The following ASTN2 variants were observed in gnomAD, a reference collection of about 807,000 sequenced individuals.
The protein encoded by ASTN2 is astrotactin-2.
ASTN2 carries 54 observed loss-of-function variants against 139.8 expected under a neutral mutation model. That is an observed-to-expected ratio of 0.39 (90% CI 0.31 to 0.48). ASTN2 has a LOEUF of 0.48. Ranked by LOEUF, ASTN2 falls within the 20% of genes least tolerant of loss-of-function variation. The pLI is 0.95. For synonymous variants in ASTN2, 756 were observed against 719.5 expected (o/e 1.05, Z -0.81); for missense variants, 1,565 against 1,725.1 (o/e 0.91, Z 1.64).
chr9:117,250,480 T>C (rs1833507552), intron 2 of ASTN2, among the ~76,000 whole-genome samples: 1 of 152,244 alleles, frequency 6.6e-6, no homozygotes, highest in African/African-American at 2.4e-5. Flanking sequence ...TCCAATTATC[T>C]GTTAATTTAT....
chr9:116,590,381 A>G (rs1854331403), intron 19 of ASTN2, among the ~76,000 whole-genome samples: 1 of 152,228 alleles, frequency 6.6e-6, no homozygotes, highest in Admixed American at 6.5e-5. Context: ...GGCTGGGTGC[A>G]TGTGAGCTCA....
Position 116,698,789 on chromosome 9 carries a change from C to T in ASTN2, c.2806+26982G>A. The T allele has an allele frequency of 1.9e-6, 3 of 1,614,190 alleles. No homozygotes were observed. Among genetic ancestry groups the T allele is most frequent in the Non-Finnish European group, 2.5e-6 (3 of 1,180,036 alleles). ...CTAAACAGCGGGGTCCTGAGGCAGC[C>T]TCCAATATCCAGCAGTGCCTCTTTC... On this transcript the variant is annotated intron_variant, in intron 16 of 22. Transcript: ENST00000313400. This position sits in a 1 kb window ranked among gnomAD's most constrained non-coding sequence, Gnocchi z 4.4.
At chr9:117,207,879 C>G (rs1245777493) in intron 3 of ASTN2, among the ~76,000 whole-genome samples, 1 of 151,782 alleles carries the variant, frequency 6.6e-6, no homozygotes, top group African/African-American at 2.4e-5. Context: ...CACTGAGTAT[C>G]TTACAAATGT....
At chr9:116,964,982 C>G (rs1169086348) in intron 10 of ASTN2, among the ~76,000 whole-genome samples, 1 of 152,146 alleles carries the variant, frequency 6.6e-6, no homozygotes, top group Non-Finnish European at 1.5e-5. Context: ...TGTAGGGGAA[C>G]ACAATGAGGT....
At chr9:116,456,414 A>G (rs67932442) in intron 20 of ASTN2, among the ~76,000 whole-genome samples, 10,583 of 152,284 alleles carry the variant, frequency 0.069, 432 homozygotes, top group East Asian at 0.12. Flanking sequence ...AAAAAAATCC[A>G]TATTACCCAA....
At chr9:116,621,545 C>T (rs115983362) in intron 17 of ASTN2, among the ~76,000 whole-genome samples, 26 of 152,234 alleles carry the variant, frequency 1.7e-4, no homozygotes, top group African/African-American at 6.3e-4. Context: ...ATTCTCTTCT[C>T]TGGAAAGCCC....
At chr9:117,196,867 G>T (rs1034296805) in intron 3 of ASTN2, among the ~76,000 whole-genome samples, 1 of 152,136 alleles carries the variant, frequency 6.6e-6, no homozygotes, top group Non-Finnish European at 1.5e-5. Flanking sequence ...TGGGGTAGTG[G>T]GTTGTTTGTG....
At chr9:116,727,690 G>T (rs1316073757) in intron 15 of ASTN2, among the ~76,000 whole-genome samples, 1 of 152,048 alleles carries the variant, frequency 6.6e-6, no homozygotes, top group Admixed American at 6.6e-5. Flanking sequence ...TGCCCTGAGG[G>T]TCTTATCCAG....
At chr9:116,501,375 T>C (rs1243397981) in intron 19 of ASTN2, among the ~76,000 whole-genome samples, 1 of 152,208 alleles carries the variant, frequency 6.6e-6, no homozygotes, top group Admixed American at 6.5e-5. Context: ...TTGTTGGACA[T>C]TTGGGTTGGT....
At chr9:116,875,085 C>G (rs766230981) in intron 10 of ASTN2, among the ~76,000 whole-genome samples, 5 of 152,182 alleles carry the variant, frequency 3.3e-5, no homozygotes, top group Admixed American at 1.3e-4. Context: ...AAATGTCACA[C>G]ATCTCTCACT....
intron 20 of ASTN2, among the ~76,000 whole-genome samples, chr9:116,465,780 G>C (rs943963288): frequency 5.3e-5 from 8 of 152,154 alleles, no homozygotes; most frequent in Admixed American, 3.9e-4. Context: ...ATTCAGGAGA[G>C]TGGCTGTGTT....
chr9:116,941,648 TAATTG>T (rs1163373803), intron 10 of ASTN2, among the ~76,000 whole-genome samples: 2 of 147,876 alleles, frequency 1.4e-5, no homozygotes, highest in Non-Finnish European at 3.0e-5. Flanking sequence ...CTTGACAAAA[TAATTG>T]AGCATCTCCA....
intron 1 of ASTN2, among the ~76,000 whole-genome samples, chr9:117,339,838 C>A (rs147582974): frequency 8.7e-4 from 130 of 150,132 alleles, no homozygotes; most frequent in African/African-American, 3.0e-3. Flanking sequence ...CTCTGAGGAC[C>A]ACATGCTAAT....
At chr9:117,389,465 G>A (rs181479474) in intron 1 of ASTN2, among the ~76,000 whole-genome samples, 22 of 152,328 alleles carry the variant, frequency 1.4e-4, no homozygotes, top group African/African-American at 5.3e-4. Flanking sequence ...AAAGGGAATA[G>A]AGGCAAATGC....
At chr9:116,931,510 G>T (rs1046322121) in intron 10 of ASTN2, among the ~76,000 whole-genome samples, 1 of 152,304 alleles carries the variant, frequency 6.6e-6, no homozygotes, top group African/African-American at 2.4e-5. Context: ...AACTTTGTGG[G>T]GGAATATAGT....
chr9:116,830,203 TAA>T (rs1350150320), intron 11 of ASTN2, among the ~76,000 whole-genome samples: 2 of 152,166 alleles, frequency 1.3e-5, no homozygotes, highest in African/African-American at 4.8e-5. Flanking sequence ...AAAGAAGACA[TAA>T]GAGTGACCCA....
intron 19 of ASTN2, among the ~76,000 whole-genome samples, chr9:116,541,989 GAC>G (rs1181477952): frequency 1.3e-5 from 2 of 152,082 alleles, no homozygotes; most frequent in Admixed American, 1.3e-4. Context: ...TACTGGTATC[GAC>G]ACAGTCAAGA....
intron 10 of ASTN2, among the ~76,000 whole-genome samples, chr9:116,950,639 G>A (rs1312615497): frequency 3.9e-5 from 6 of 152,134 alleles, no homozygotes; most frequent in Non-Finnish European, 8.8e-5. Flanking sequence ...CCTTTGGCAA[G>A]CTTCCCTTCC....
At chr9:116,444,908 T>C (rs1288221679) in intron 20 of ASTN2, among the ~76,000 whole-genome samples, 1 of 152,112 alleles carries the variant, frequency 6.6e-6, no homozygotes, top group Non-Finnish European at 1.5e-5. Context: ...GCAGAAGGGT[T>C]GAGAACAAGA....
Sources: allele counts gnomAD v4.1 joint callset (sites outside exome capture counted in the v4.1 genomes callset), GRCh38; gene constraint gnomAD v4.1.1; non-coding constraint Gnocchi (gnomAD v3.1); transcripts MANE v1.5; gene names NCBI Gene and HGNC (gene_info 2026-07-23, HGNC 2026-07-21).